The following THADA variants were observed in gnomAD, a reference collection of about 807,000 sequenced individuals.
THADA encodes THADA armadillo repeat containing, also known as tRNA (32-2'-O)-methyltransferase regulator THADA.
THADA carries 213 observed loss-of-function variants against 219.8 expected under a neutral mutation model. That is an observed-to-expected ratio of 0.97 (90% CI 0.87 to 1.09). The LOEUF (loss-of-function observed/expected upper bound fraction) is 1.09, where lower values mean the gene tolerates loss of function less well. Among genes scored for constraint, THADA ranks in the 50% least tolerant of loss-of-function variants. The pLI is 0.00. For missense variants in THADA, 2,956 were observed against 2,311.3 expected (o/e 1.28, Z -5.72); for synonymous variants, 1,018 against 828.9 (o/e 1.23, Z -3.92).
chr2:43,512,613 C>T lies in THADA; in HGVS notation c.3375-3833G>A, dbSNP rs541587003. Among the ~76,000 whole-genome samples, 147 of 152,352 alleles carry T rather than the reference C, an allele frequency of 9.6e-4. 1 individual carries two copies. Among genetic ancestry groups the T allele is most frequent in the African/African-American group, 3.5e-3 (144 of 41,582 alleles). ...CGCCTCCCAGATTCAAGTGATTCTC[C>T]TGCCTCAGCCTCCTGAGTAGCTGGG... On this transcript the variant is annotated intron_variant, in intron 22 of 37. Transcript: ENST00000405975.
At chr2:43,507,415 A>G (rs1230496408) in intron 23 of THADA, among the ~76,000 whole-genome samples, 1 of 152,194 alleles carries the variant, frequency 6.6e-6, no homozygotes, top group African/African-American at 2.4e-5. Flanking sequence ...ATTTGATCTC[A>G]GACAGACAAA....
At chr2:43,427,994 AAT>A (rs1366374048) in intron 28 of THADA, 104 bp downstream of exon 28, 10 of 439,696 alleles carry the variant, frequency 2.3e-5, no homozygotes, top group Non-Finnish European at 3.1e-5. Context: ...ATATATATAA[AAT>A]ATATATGATA....
chr2:43,568,276 G>A (rs1698910708), intron 14 of THADA, among the ~76,000 whole-genome samples: 1 of 152,058 alleles, frequency 6.6e-6, no homozygotes. Context: ...CAGTTATTTA[G>A]GTATAAAATA....
intron 28 of THADA, among the ~76,000 whole-genome samples, chr2:43,413,509 G>A (rs555567468): frequency 1.9e-3 from 287 of 152,280 alleles, no homozygotes; most frequent in African/African-American, 6.7e-3. Context: ...TACCACAGAT[G>A]AGGTTGCCTT....
chr2:43,428,290 C>T (rs1678765966), intron 27 of THADA, 59 bp from the exon 28 acceptor site: 3 of 1,476,818 alleles, frequency 2.0e-6, no homozygotes, highest in Non-Finnish European at 2.8e-6. Context: ...AGCACTCCTC[C>T]TTCAAACATT....
chr2:43,503,762 G>C (rs1441563176), intron 24 of THADA, among the ~76,000 whole-genome samples: 1 of 152,088 alleles, frequency 6.6e-6, no homozygotes, highest in Non-Finnish European at 1.5e-5. Flanking sequence ...ACTGGTCAGA[G>C]ACAAAATTTT....
chr2:43,308,201 A>G (rs1296888561), intron 31 of THADA, among the ~76,000 whole-genome samples: 1 of 152,184 alleles, frequency 6.6e-6, no homozygotes, highest in East Asian at 1.9e-4. Flanking sequence ...TCTTTTTAAA[A>G]GAGAACAGTA....
At chr2:43,442,906 C>T (rs899335184) in intron 26 of THADA, among the ~76,000 whole-genome samples, 2 of 152,146 alleles carry the variant, frequency 1.3e-5, no homozygotes, top group African/African-American at 4.8e-5. Flanking sequence ...GCCTCTGCTG[C>T]CCACCGCACC....
chr2:43,294,834 A>C (rs537773804), intron 31 of THADA, among the ~76,000 whole-genome samples: 6 of 146,866 alleles, frequency 4.1e-5, no homozygotes, highest in Admixed American at 2.7e-4. Flanking sequence ...TTAAAAAGGC[A>C]AAAAAGAAAG....
At chr2:43,273,588 T>A (rs1672379565) in intron 36 of THADA, among the ~76,000 whole-genome samples, 1 of 152,106 alleles carries the variant, frequency 6.6e-6, no homozygotes. Flanking sequence ...AGTGCCTGAC[T>A]CTGTGATCTG....
chr2:43,510,780 G>A (rs1232761620), intron 22 of THADA, among the ~76,000 whole-genome samples: 2 of 151,630 alleles, frequency 1.3e-5, no homozygotes, highest in African/African-American at 4.8e-5. Flanking sequence ...AGACCACCTT[G>A]GCCAACATGA....
intron 24 of THADA, among the ~76,000 whole-genome samples, chr2:43,502,580 G>A (rs113687025): frequency 1.3e-3 from 143 of 112,518 alleles, no homozygotes; most frequent in African/African-American, 5.1e-3. Flanking sequence ...GTGAGACCTC[G>A]TCTCAAAAAA....
intron 16 of THADA, among the ~76,000 whole-genome samples, chr2:43,559,806 T>C (rs1697841164): frequency 6.6e-6 from 1 of 152,152 alleles, no homozygotes; most frequent in Non-Finnish European, 1.5e-5. Flanking sequence ...AGAAACATCC[T>C]CTCTACCTCA....
intron 21 of THADA, among the ~76,000 whole-genome samples, chr2:43,536,710 C>T (rs554114114): frequency 2.4e-4 from 36 of 151,856 alleles, no homozygotes; most frequent in African/African-American, 8.5e-4. Context: ...GCATAAAACC[C>T]ATTAAAAAAA....
Position 43,574,574 on chromosome 2 carries a change from G to A in THADA, c.1491C>T (p.Leu497=). ...TATGATTTCTAAACATGGTTTCCAA[G>A]AGGTCACTTGCATAAGGTACCAATG... ...DQSLVPYASD[L]LETMFRNHKS... The change falls in exon 11 of 38, where the codon CTC becomes CTT. Residue 497 remains leucine (L), a synonymous_variant. Coordinates refer to ENST00000405975, the MANE Select transcript of THADA (RefSeq NM_022065.5). 1.2e-6 allele frequency: 2 copies of A among 1,613,920 alleles called. No homozygotes were observed. Among genetic ancestry groups the A allele is most frequent in the Admixed American group, 1.7e-5 (1 of 60,004 alleles).
At chr2:43,481,493 C>T (rs915536276) in intron 26 of THADA, among the ~76,000 whole-genome samples, 1 of 152,192 alleles carries the variant, frequency 6.6e-6, no homozygotes, top group Admixed American at 6.5e-5. Context: ...CCCAAATCTA[C>T]TCATTTCCCA....
chr2:43,553,710 G>T (rs547772942), intron 17 of THADA, among the ~76,000 whole-genome samples: 1 of 152,168 alleles, frequency 6.6e-6, no homozygotes, highest in Non-Finnish European at 1.5e-5. Flanking sequence ...TTCCAAAGCA[G>T]ATACAGCATT....
chr2:43,250,171 G>A (rs1669667388), intron 36 of THADA, among the ~76,000 whole-genome samples: 2 of 152,194 alleles, frequency 1.3e-5, no homozygotes, highest in Admixed American at 6.5e-5. Flanking sequence ...ATTAATGGAT[G>A]AATGGATAAA....
In THADA at chr2:43,574,423, A is replaced by C; in HGVS notation, c.1642T>G (p.Tyr548Asp). 1 of 1,611,464 alleles carries C rather than the reference A, an allele frequency of 6.2e-7. No individual in the cohort carries two copies. The highest frequency in any genetic ancestry group is 8.5e-7 in the Non-Finnish European group (1 of 1,178,508). Residue 548 changes from tyrosine (Y) to aspartate (D), a missense_variant, in exon 11 of 38, where the codon TAT becomes GAT. Tyr to Asp is a radical substitution (Grantham distance 160). Coordinates refer to ENST00000405975, the MANE Select transcript of THADA (RefSeq NM_022065.5). ...TAACTTAATAATTTTGGCAAGTAAT[A>C]ATCAATCACGTAAGATTTTTGATCC... ...NLDQKSYVID[Y>D]YLPKLLSYSP...
Sources: allele counts gnomAD v4.1 joint callset (sites outside exome capture counted in the v4.1 genomes callset), GRCh38; gene constraint gnomAD v4.1.1; transcripts MANE v1.5; gene names NCBI Gene and HGNC (gene_info 2026-07-23, HGNC 2026-07-21).